The following ATP8B4 variants were observed in gnomAD, a reference collection of about 807,000 sequenced individuals.
ATP8B4 encodes probable phospholipid-transporting ATPase IM.
Under a neutral mutation model 145.6 loss-of-function variants are expected in ATP8B4, and 133 were observed. The ratio of observed to expected loss-of-function variants is 0.91; its 90% CI spans 0.79 to 1.05. The LOEUF is 1.05. ATP8B4 is among the 50% of genes least tolerant of loss of function. The pLI, the probability that ATP8B4 is intolerant of heterozygous loss-of-function variation, is 0.00. For synonymous variants in ATP8B4, 507 were observed against 492.9 expected (o/e 1.03, Z -0.38); for missense variants, 1,458 against 1,425.2 (o/e 1.02, Z -0.37).
intron 3 of ATP8B4, among the ~76,000 whole-genome samples, chr15:50,065,204 G>T (rs1042375384): frequency 6.6e-6 from 1 of 152,102 alleles, no homozygotes; most frequent in Middle Eastern, 3.4e-3. Flanking sequence ...ATTATGTTGT[G>T]TACTATAAAT....
chr15:50,126,363 A>T (rs573908945), intron 1 of ATP8B4, among the ~76,000 whole-genome samples: 1 of 152,270 alleles, frequency 6.6e-6, no homozygotes, highest in South Asian at 2.1e-4. Context: ...AGTTAAGGGA[A>T]CAGGTTAATA....
In ATP8B4 at chr15:50,157,672, G is replaced by C. The variant is rs546703255; in HGVS notation, c.-43+24589C>G. ...AGAATATCATTGGTATTTTGATAGA[G>C]ATTGCACTGAATCTGTAGATTGCTT... On this transcript the variant is annotated intron_variant, in intron 1 of 3. Transcript: ENST00000558829. Among the ~76,000 whole-genome samples, 21 of 152,180 alleles carry C rather than the reference G, an allele frequency of 1.4e-4. No homozygotes were observed. The South Asian group carries it at 3.9e-3, about 29-fold the overall frequency.
chr15:49,965,129 G>A (rs2044411669), intron 13 of ATP8B4, among the ~76,000 whole-genome samples: 2 of 152,170 alleles, frequency 1.3e-5, no homozygotes, highest in African/African-American at 4.8e-5. Flanking sequence ...GTCCAGGTTG[G>A]AAATCATCTT....
At chr15:49,964,737 C>T (rs185343257) in intron 13 of ATP8B4, among the ~76,000 whole-genome samples, 1 of 152,196 alleles carries the variant, frequency 6.6e-6, no homozygotes, top group East Asian at 1.9e-4. Context: ...TGGAGATTTG[C>T]AAAAATCTTG....
chr15:50,072,921 C>CCTCTCTCT (rs1207432427), intron 3 of ATP8B4, among the ~76,000 whole-genome samples: 7 of 27,288 alleles, frequency 2.6e-4, no homozygotes, highest in East Asian at 1.3e-3. Flanking sequence ...CTGTGCCCGG[C>CCTCTCTCT]CTCTCTCTCT....
intron 22 of ATP8B4, 51 bp downstream of exon 22, chr15:49,898,017 A>G (rs780814298): frequency 1.9e-6 from 3 of 1,587,638 alleles, no homozygotes; most frequent in Non-Finnish European, 2.6e-6. Context: ...AAATGCTGAA[A>G]CTGAGGACCC....
In ATP8B4 at chr15:49,934,093, C is replaced by G; in HGVS notation, c.1377G>C (p.Met459Ile). ...FDHHLMESIK[M>I]GDPKVHEFLR... ...GGAATTCATGAACTTTGGGATCACCCATTTTAATGGATTCCATCAGATGGT... is the reference window on the plus strand; with the variant it reads ...GGAATTCATGAACTTTGGGATCACCGATTTTAATGGATTCCATCAGATGGT... The change falls in exon 15 of 28, where the codon ATG becomes ATC. Residue 459 changes from methionine (M) to isoleucine (I), a missense_variant. Physicochemically the swap from Met to Ile is conservative, Grantham distance 10. Coordinates refer to ENST00000284509, the MANE Select transcript of ATP8B4 (RefSeq NM_024837.4). The G allele has an allele frequency of 6.2e-7, 1 of 1,612,824 alleles. No individual in the cohort carries two copies. The highest frequency in any genetic ancestry group is 8.5e-7 in the Non-Finnish European group (1 of 1,179,244).
intron 20 of ATP8B4, among the ~76,000 whole-genome samples, chr15:49,910,668 CA>C (rs1261201302): frequency 2.0e-5 from 3 of 152,148 alleles, no homozygotes; most frequent in Admixed American, 1.3e-4. Flanking sequence ...AAAAACCTTA[CA>C]AGCCAGAAGA....
intron 2 of ATP8B4, among the ~76,000 whole-genome samples, chr15:50,105,170 G>A (rs1215971479): frequency 6.6e-6 from 1 of 151,170 alleles, no homozygotes; most frequent in African/African-American, 2.4e-5. Flanking sequence ...TCAGGTGATG[G>A]GTGCACCAAA....
chr15:49,940,716 T>C (rs1467859593), intron 14 of ATP8B4, among the ~76,000 whole-genome samples: 1 of 152,180 alleles, frequency 6.6e-6, no homozygotes, highest in Non-Finnish European at 1.5e-5. Context: ...CCTCAATGAC[T>C]TAGTCTACAA....
At chr15:49,971,904 A>T (rs2045176016) in intron 13 of ATP8B4, among the ~76,000 whole-genome samples, 1 of 152,218 alleles carries the variant, frequency 6.6e-6, no homozygotes, top group African/African-American at 2.4e-5. Context: ...GGATAAAGAA[A>T]ATATGGCACA....
chr15:50,024,302 G>C (rs951435371), intron 6 of ATP8B4, among the ~76,000 whole-genome samples: 3 of 152,132 alleles, frequency 2.0e-5, no homozygotes, highest in Admixed American at 2.0e-4. Context: ...AAAAACCTCA[G>C]CTCTTCCCTT....
intron 20 of ATP8B4, among the ~76,000 whole-genome samples, chr15:49,910,291 A>C (rs1367564114): frequency 7.8e-6 from 1 of 128,770 alleles, no homozygotes; most frequent in Non-Finnish European, 1.8e-5. Flanking sequence ...GAAATAACCC[A>C]AACAAAAGTA....
intron 10 of ATP8B4, among the ~76,000 whole-genome samples, chr15:49,986,549 G>C (rs1039790136): frequency 6.6e-6 from 1 of 152,176 alleles, no homozygotes; most frequent in Non-Finnish European, 1.5e-5. Context: ...TTGGGAGAAC[G>C]TTTCTAGGTT....
In ATP8B4 at chr15:50,169,658, A is replaced by G. The variant is rs1471854773; in HGVS notation, c.-43+12603T>C. On this transcript the variant is annotated intron_variant, in intron 1 of 3. Transcript: ENST00000558829. ...CAAAAGATCACACTAGTTCACCAGC[A>G]ATGAATCCAAACCAAGAAGAAATCC... Among the ~76,000 whole-genome samples the G allele has an allele frequency of 3.3e-5, 5 of 152,352 alleles. No homozygotes were observed. In the East Asian group the frequency reaches 9.6e-4, roughly 29 times the overall value.
chr15:49,931,367 C>T, intron 15 of ATP8B4, 60 bp from the exon 16 acceptor site: 2 of 1,484,286 alleles, frequency 1.3e-6, no homozygotes, highest in Admixed American at 1.9e-5. Context: ...CATAGAGTTC[C>T]AATGCCAACT....
intron 7 of ATP8B4, among the ~76,000 whole-genome samples, chr15:50,007,774 T>C (rs2048421378): frequency 6.6e-6 from 1 of 152,120 alleles, no homozygotes; most frequent in African/African-American, 2.4e-5. Context: ...GGGAGATATA[T>C]TAGTACTCCT....
Position 49,897,340 on chromosome 15 carries a change from A to C in ATP8B4, c.2649T>G (p.Phe883Leu). ...LCYFFYKNFA[F>L]TLVHFWFGFF... ...AACCAAACCAGAAATGCACAAGTGT[A>C]AATGCAAAATTCTTATAGAAGAAAT... The change falls in exon 23 of 28, where the codon TTT (phenylalanine) becomes TTG (leucine). Residue 883 changes from phenylalanine (F) to leucine (L), a missense_variant. Phe to Leu is a conservative substitution (Grantham distance 22, BLOSUM62 0). Coordinates refer to ENST00000284509, the MANE Select transcript of ATP8B4 (RefSeq NM_024837.4). 1.2e-6 allele frequency: 2 copies of C among 1,613,662 alleles called. No individual in the cohort carries two copies. Among genetic ancestry groups the C allele is most frequent in the South Asian group, 1.1e-5 (1 of 90,972 alleles).
At chr15:49,997,734 T>C (rs937826987) in intron 8 of ATP8B4, among the ~76,000 whole-genome samples, 1 of 152,106 alleles carries the variant, frequency 6.6e-6, no homozygotes, top group Non-Finnish European at 1.5e-5. Flanking sequence ...TAACCTTCCG[T>C]AAATGAATTT....
Sources: allele counts gnomAD v4.1 joint callset (sites outside exome capture counted in the v4.1 genomes callset), GRCh38; gene constraint gnomAD v4.1.1; transcripts MANE v1.5; gene names NCBI Gene and HGNC (gene_info 2026-07-23, HGNC 2026-07-21).